Variants in CADM2 observed in about 807,000 individuals in gnomAD.
CADM2 encodes the protein cell adhesion molecule 2.
In CADM2, 12 loss-of-function variants were observed where a neutral mutation model predicts 49.8. The ratio of observed to expected loss-of-function variants is 0.24; its 90% CI spans 0.15 to 0.39. CADM2 has a LOEUF of 0.39. Ranked by LOEUF, CADM2 falls within the 10% of genes least tolerant of loss-of-function variation. The pLI is 1.00. For synonymous variants in CADM2, 214 were observed against 175.4 expected, an observed-to-expected ratio of 1.22 and a Z score of -1.74; for missense variants, 378 against 492.3, an observed-to-expected ratio of 0.77 and a Z score of 2.20.
At chr3:85,251,136 A>T (rs1374361834) in intron 1 of CADM2, among the ~76,000 whole-genome samples, 1 of 151,866 alleles carries the variant, frequency 6.6e-6, no homozygotes, top group African/African-American at 2.4e-5. Context: ...TAGAACAGTA[A>T]CCATTATTGA....
chr3:85,565,132 T>G (rs1445058294), intron 1 of CADM2, among the ~76,000 whole-genome samples: 1 of 152,094 alleles, frequency 6.6e-6, no homozygotes, highest in Non-Finnish European at 1.5e-5. Context: ...AGAGTTTTTC[T>G]GTTTATGCCC....
At chr3:85,122,699 G>A (rs2038906907) in intron 1 of CADM2, among the ~76,000 whole-genome samples, 1 of 151,588 alleles carries the variant, frequency 6.6e-6, no homozygotes, top group African/African-American at 2.4e-5. Context: ...TTGAATTTTT[G>A]CAGCCACCTC....
At chr3:84,992,022 A>T (rs1230381242) in intron 1 of CADM2, among the ~76,000 whole-genome samples, 1 of 152,218 alleles carries the variant, frequency 6.6e-6, no homozygotes. Context: ...AGTAGAGCAC[A>T]GAAGAATTTT....
chr3:85,886,127 T>C, intron 4 of CADM2, 63 bp from the exon 5 acceptor site: 1 of 1,589,490 alleles, frequency 6.3e-7, no homozygotes, highest in Admixed American at 1.7e-5. Flanking sequence ...GTGAAAGTAA[T>C]AGACATAATA....
chr3:85,693,566 C>CAAAAAAAAAAAAA (rs562723713), intron 1 of CADM2, among the ~76,000 whole-genome samples: 3 of 76,122 alleles, frequency 3.9e-5, no homozygotes, highest in African/African-American at 5.5e-5. Flanking sequence ...GGCGAAAGAG[C>CAAAAAAAAAAAAA]AAAAAAAAAA....
intron 1 of CADM2, among the ~76,000 whole-genome samples, chr3:85,434,580 G>A (rs1576547173): frequency 6.6e-6 from 1 of 151,866 alleles, no homozygotes; most frequent in East Asian, 1.9e-4. Flanking sequence ...GACGATTATT[G>A]ACTGCCCAAA....
intron 2 of CADM2, among the ~76,000 whole-genome samples, chr3:85,750,402 A>C (rs1037428801): frequency 2.6e-5 from 4 of 152,112 alleles, no homozygotes; most frequent in Non-Finnish European, 5.9e-5. Context: ...TTGGGAACAA[A>C]GTGGAATTGT....
intron 1 of CADM2, among the ~76,000 whole-genome samples, chr3:85,335,070 G>A (rs2045041185): frequency 1.3e-5 from 2 of 151,182 alleles, no homozygotes; most frequent in Non-Finnish European, 3.0e-5. Flanking sequence ...AAGATACTAA[G>A]TAAATAAATA....
chr3:85,590,250 G>A (rs1008428596), intron 1 of CADM2, among the ~76,000 whole-genome samples: 4 of 151,944 alleles, frequency 2.6e-5, no homozygotes, highest in Non-Finnish European at 5.9e-5. Context: ...TACAGAAGTG[G>A]CCTTTGACAT....
chr3:85,784,467 T>G (rs144753068), intron 2 of CADM2, among the ~76,000 whole-genome samples: 2 of 152,236 alleles, frequency 1.3e-5, no homozygotes, highest in Non-Finnish European at 2.9e-5. Flanking sequence ...ATTTGAGTAA[T>G]AAGAATCAGG....
At chr3:85,611,888 A>T (rs2107453760) in intron 1 of CADM2, among the ~76,000 whole-genome samples, 1 of 151,974 alleles carries the variant, frequency 6.6e-6, no homozygotes, top group Middle Eastern at 3.4e-3. Flanking sequence ...AGATAAGAAG[A>T]CAGGTTGGAG....
intron 8 of CADM2, chr3:85,979,077 G>A (rs1018401028): frequency 6.9e-7 from 1 of 1,441,220 alleles, no homozygotes; most frequent in Admixed American, 1.8e-5. Context: ...ACCTCAATAA[G>A]TTATATGTAT....
chr3:85,117,199 C>T (rs2038669720), intron 1 of CADM2, among the ~76,000 whole-genome samples: 1 of 151,578 alleles, frequency 6.6e-6, no homozygotes. Flanking sequence ...TCAGCCCAGG[C>T]TACAGAGCAA....
chr3:85,939,877 C>T lies in CADM2; in HGVS notation c.791+4020C>T, dbSNP rs972945800. On this transcript the variant is annotated intron_variant, in intron 7 of 9. Transcript: ENST00000383699. ...AGAAAGAATTTAATCTTTAGGAAGA[C>T]AGATCACATACTATATAGCAACTAG... 1.2e-4 allele frequency among the ~76,000 whole-genome samples: 18 copies of T among 148,918 alleles called. 1 individual carries two copies. Among genetic ancestry groups the T allele is most frequent in the Non-Finnish European group, 2.5e-4 (17 of 67,446 alleles).
At chr3:85,498,646 T>G (rs946616865) in intron 1 of CADM2, among the ~76,000 whole-genome samples, 5 of 152,188 alleles carry the variant, frequency 3.3e-5, no homozygotes, top group Non-Finnish European at 7.3e-5. Context: ...AAATTAATAC[T>G]GCATATAATT....
At chr3:85,610,497 CAAT>C (rs1344736228) in intron 1 of CADM2, among the ~76,000 whole-genome samples, 1 of 151,710 alleles carries the variant, frequency 6.6e-6, no homozygotes, top group Non-Finnish European at 1.5e-5. Flanking sequence ...AATGAATAAA[CAAT>C]AATAATAGCA....
chr3:85,567,285 G>A (rs962338460), intron 1 of CADM2, among the ~76,000 whole-genome samples: 1 of 152,142 alleles, frequency 6.6e-6, no homozygotes. Context: ...GGCGAGCAAT[G>A]TACAACATAC....
intron 1 of CADM2, among the ~76,000 whole-genome samples, chr3:85,718,882 T>TTA (rs2067394300): frequency 1.7e-4 from 24 of 141,344 alleles, no homozygotes; most frequent in Non-Finnish European, 3.2e-4. Flanking sequence ...TTAATGGTAT[T>TTA]TTATTATTAT....
At chr3:85,832,013 G>C (rs936391769) in intron 3 of CADM2, among the ~76,000 whole-genome samples, 1 of 151,894 alleles carries the variant, frequency 6.6e-6, no homozygotes, top group Non-Finnish European at 1.5e-5. Context: ...AGTGAAAGGT[G>C]AAAGGTAGGG....
Sources: allele counts gnomAD v4.1 joint callset (sites outside exome capture counted in the v4.1 genomes callset), GRCh38; gene constraint gnomAD v4.1.1; transcripts MANE v1.5; gene names NCBI Gene and HGNC (gene_info 2026-07-23, HGNC 2026-07-21).